Variants in CALHM5 observed in about 807,000 individuals in gnomAD.
CALHM5 encodes calcium homeostasis modulator protein 5.
Under a neutral mutation model 20.9 loss-of-function variants are expected in CALHM5, and 17 were observed. That is an observed-to-expected ratio of 0.82 (90% confidence interval 0.56 to 1.22). The LOEUF is 1.22. Ranked by LOEUF, CALHM5 falls within the 50% of genes most tolerant of loss-of-function variation. CALHM5 has a pLI of 0.00. For synonymous variants in CALHM5, 148 were observed against 140.0 expected, an observed-to-expected ratio of 1.06 and a Z score of -0.40; for missense variants, 360 against 364.6, an observed-to-expected ratio of 0.99 and a Z score of 0.10.
chr6:116,512,089 G>T lies in CALHM5; in HGVS notation c.393G>T (p.Gly131=), dbSNP rs561909396. The change falls in exon 1 of 2, where the codon GGG becomes GGT. Residue 131 remains glycine (G), a synonymous_variant. Transcript: ENST00000368599. ...CTTTCTATGAATGTGCCATGAGCGG[G>T]ACGAGAAGTTCAGGACTCCTGGAAC... is the stretch of plus-strand genomic sequence containing the variant. ...NGTFYECAMS[G]TRSSGLLELI... 44 of 1,614,056 alleles carry T rather than the reference G, an allele frequency of 2.7e-5. No individual in the cohort carries two copies. The South Asian group carries it at 4.5e-4, about 17-fold the overall frequency.
chr6:116,512,032 G>A lies in CALHM5; in HGVS notation c.336G>A (p.Val112=). The A allele has an allele frequency of 6.2e-7, 1 of 1,614,070 alleles. No homozygotes were observed. ...CTCTGAGCTCATTGGTGGCTCCAGT[G>A]ATGTGGCTTTCTGTGGCTCTGCTCA... is the stretch of plus-strand genomic sequence containing the variant. The part of the protein sequence containing the change: ...QITLSSLVAP[V]MWLSVALLNG... The change falls in exon 1 of 2, where the codon GTG becomes GTA. Residue 112 remains valine (V), a synonymous_variant. Transcript: ENST00000368599.
In CALHM5 at chr6:116,511,994, C is replaced by G; in HGVS notation, c.298C>G (p.Leu100Val). 6.2e-7 allele frequency: 1 copy of G among 1,614,038 alleles called. No homozygotes were observed. Among genetic ancestry groups the G allele is most frequent in the Non-Finnish European group, 8.5e-7 (1 of 1,180,000 alleles). ...RGHSCRFFYV[L>V]GQITLSSLVA... ...CCACAGCTGCCGTTTCTTCTACGTC[C>G]TCGGCCAGATCACTCTGAGCTCATT... The change falls in exon 1 of 2, where the codon CTC (leucine) becomes GTC (valine). Residue 100 changes from leucine (L) to valine (V), a missense_variant. Transcript: ENST00000368599.
chr6:116,515,569 CGT>C (rs1562340242), intron 1 of CALHM5, 29 bp from the exon 2 acceptor site: 1 of 1,573,776 alleles, frequency 6.4e-7, no homozygotes, highest in Non-Finnish European at 8.6e-7. Flanking sequence ...TTTGCTTTCA[CGT>C]GTGTACTCAA....
At position 116,515,773 on chromosome 6, in the gene CALHM5, C is replaced by T. The variant is rs753580476; in HGVS notation, c.714C>T (p.Ser238=). The change falls in exon 2 of 2, where the codon AGC becomes AGT. Residue 238 remains serine (S), a synonymous_variant. Coordinates refer to ENST00000368599, the MANE Select transcript of CALHM5 (RefSeq NM_153711.5). ...TTCTGGACTATGCCAACAAGCTGAG[C>T]GAGAGGAACCTGAAATGTTTTTTTG... ...NTFLDYANKL[S]ERNLKCFFEN... 36 of 1,613,864 alleles carry T rather than the reference C, an allele frequency of 2.2e-5. No individual in the cohort carries two copies. The highest frequency in any genetic ancestry group is 2.7e-5 in the African/African-American group (2 of 74,898).
Position 116,521,694 on chromosome 6 carries a change from T to TA in CALHM5, c.*5707dup, listed in dbSNP as rs1488333765. On this transcript the variant is annotated 3_prime_UTR_variant, in exon 2 of 2. Coordinates refer to ENST00000368599, the MANE Select transcript of CALHM5 (RefSeq NM_153711.5). ...ACACCCCTACATACATACCCAGAAA[T>TA]AATGCTTTAATAACTATCTGGCTAC... 1 of 152,120 alleles carries TA rather than the reference T, an allele frequency of 6.6e-6. No homozygotes were observed. The highest frequency in any genetic ancestry group is 6.5e-5 in the Admixed American group (1 of 15,274). 9.4% of individuals were successfully genotyped at this position (152,120 alleles called of 1,614,324 possible). A position where few individuals can be genotyped will look rare whatever the true frequency, so the allele number is the denominator to read the frequency against.
At chr6:116,512,381 C>A in intron 1 of CALHM5, 145 bp downstream of exon 1, 1 of 951,534 alleles carries the variant, frequency 1.1e-6, no homozygotes, top group Non-Finnish European at 1.5e-6. Flanking sequence ...TTGAGACTAT[C>A]TCAGGAAAAG....
rs1402767044 is a variant in CALHM5, at chr6:116,517,513, G to C, written c.*1524G>C. 1 of 152,144 alleles carries C rather than the reference G, an allele frequency of 6.6e-6. No homozygotes were observed. The highest frequency in any genetic ancestry group is 1.5e-5 in the Non-Finnish European group (1 of 68,032). 9.4% of individuals were successfully genotyped at this position (152,144 alleles called of 1,614,324 possible). On this transcript the variant is annotated 3_prime_UTR_variant, in exon 2 of 2. Coordinates refer to ENST00000368599, the MANE Select transcript of CALHM5 (RefSeq NM_153711.5). The stretch of plus-strand genomic sequence containing the variant: ...TTACAGTGGTAGTCTATGTCTCTTA[G>C]TTTGAGAAAGCTGAATATTAACTTC...
In CALHM5 at chr6:116,524,269, A is replaced by G. The variant is rs1169175890; in HGVS notation, c.*8280A>G. On this transcript the variant is annotated 3_prime_UTR_variant, in exon 2 of 2. Coordinates refer to ENST00000368599, the MANE Select transcript of CALHM5 (RefSeq NM_153711.5). Reference sequence around the variant, plus strand: ...GTAGGTACACGGAATTCATTACATTATTCTCTTTACATTTGTATATGTTTG... The same window carrying G: ...GTAGGTACACGGAATTCATTACATTGTTCTCTTTACATTTGTATATGTTTG... The G allele has an allele frequency of 6.6e-6, 1 of 152,226 alleles. No homozygotes were observed. Among genetic ancestry groups the G allele is most frequent in the Non-Finnish European group, 1.5e-5 (1 of 68,034 alleles). The allele number at this position is 152,226 out of a possible 1,614,324, so 9.4% of individuals were successfully genotyped here.
intron 1 of CALHM5, among the ~76,000 whole-genome samples, chr6:116,513,866 T>C (rs1221020162): frequency 3.3e-5 from 5 of 152,114 alleles, no homozygotes; most frequent in African/African-American, 1.2e-4. Context: ...TTGTCTGGCG[T>C]TGGGTTTGTA....
chr6:116,512,352 A>T (rs555784959), intron 1 of CALHM5, 116 bp downstream of exon 1: 1 of 1,181,694 alleles, frequency 8.5e-7, no homozygotes. Context: ...CTAAATGGAA[A>T]CTGAAACATG....
Position 116,512,241 on chromosome 6 carries a change from GAAA to G in CALHM5, c.540+7_540+9del. 6.3e-7 allele frequency: 1 copy of G among 1,585,662 alleles called. No homozygotes were observed. The highest frequency in any genetic ancestry group is 8.6e-7 in the Non-Finnish European group (1 of 1,169,316). On this transcript the variant is annotated splice_donor_region_variant and intron_variant, in intron 1 of 1. Transcript: ENST00000368599. ...TCCCTTCAGGCCCAGTCTCAGGTAA[GAAA>G]AGACAAACTCGCCTTTTTCTCTCAG...
At chr6:116,512,429 TG>T in intron 1 of CALHM5, 193 bp downstream of exon 1, 1 of 592,594 alleles carries the variant, frequency 1.7e-6, no homozygotes, top group East Asian at 2.8e-5. Context: ...AGTTGCTGAC[TG>T]GATTATCTCT....
Position 116,519,556 on chromosome 6 carries a change from C to T in CALHM5, c.*3567C>T, listed in dbSNP as rs1772292701. The T allele has an allele frequency of 6.6e-6, 1 of 152,222 alleles. No individual in the cohort carries two copies. The highest frequency in any genetic ancestry group is 2.1e-4 in the South Asian group (1 of 4,828). 9.4% of individuals were successfully genotyped at this position (152,222 alleles called of 1,614,324 possible). The stretch of plus-strand genomic sequence containing the variant: ...ATGGTCATACTAATGTTTGCCATAA[C>T]AGTCTCTTCTAGGTCTAGACTTGAA... On this transcript the variant is annotated 3_prime_UTR_variant, in exon 2 of 2. Coordinates refer to ENST00000368599, the MANE Select transcript of CALHM5 (RefSeq NM_153711.5).
chr6:116,524,106 A>G lies in CALHM5; in HGVS notation c.*8117A>G, dbSNP rs1390695838. ...TTTTTAAAAAGTTCTTCAGTTAGAGATGTATATTTAAATATTTATGTGTGA... is the reference window on the plus strand; with the variant it reads ...TTTTTAAAAAGTTCTTCAGTTAGAGGTGTATATTTAAATATTTATGTGTGA... On this transcript the variant is annotated 3_prime_UTR_variant, in exon 2 of 2. Coordinates refer to ENST00000368599, the MANE Select transcript of CALHM5 (RefSeq NM_153711.5). 46 of 152,146 alleles carry G rather than the reference A, an allele frequency of 3.0e-4. No homozygotes were observed. The highest frequency in any genetic ancestry group is 3.0e-3 in the Admixed American group (46 of 15,270). The allele number at this position is 152,146 out of a possible 1,614,324, so 9.4% of individuals were successfully genotyped here.
At chr6:116,515,355 G>A (rs754439251) in intron 1 of CALHM5, among the ~76,000 whole-genome samples, 12 of 152,192 alleles carry the variant, frequency 7.9e-5, no homozygotes, top group Admixed American at 2.0e-4. Context: ...CTGCCTTCTG[G>A]TTATTTCTTT....
rs1357067523 is a variant in CALHM5 at position 116,522,890 on chromosome 6, GC to G, written c.*6902del. 6.6e-6 allele frequency: 1 copy of G among 151,970 alleles called. No homozygotes were observed. Among genetic ancestry groups the G allele is most frequent in the Non-Finnish European group, 1.5e-5 (1 of 68,012 alleles). The allele number at this position is 151,970 out of a possible 1,614,324, so 9.4% of individuals were successfully genotyped here. ...AAGCCTGCAGTTTAACGTGATCCTA[GC>G]TGATTCCAGTTCAAGCTAAATTTGA... On this transcript the variant is annotated 3_prime_UTR_variant, in exon 2 of 2. Coordinates refer to ENST00000368599, the MANE Select transcript of CALHM5 (RefSeq NM_153711.5).
At chr6:116,515,487 T>G in intron 1 of CALHM5, 113 bp from the exon 2 acceptor site, 2 of 1,086,548 alleles carry the variant, frequency 1.8e-6, no homozygotes, top group Non-Finnish European at 2.6e-6. Context: ...TGATTTCAAA[T>G]GAGGTATGTC....
At chr6:116,512,435 A>C (rs1231832429) in intron 1 of CALHM5, 199 bp downstream of exon 1, 5 of 577,442 alleles carry the variant, frequency 8.7e-6, no homozygotes, top group African/African-American at 7.4e-5. Context: ...TGACTGGATT[A>C]TCTCTTTTCC....
Position 116,524,712 on chromosome 6 carries a change from T to C in CALHM5, c.*8723T>C, listed in dbSNP as rs1322830490. 1 of 152,196 alleles carries C rather than the reference T, an allele frequency of 6.6e-6. No individual in the cohort carries two copies. The highest frequency in any genetic ancestry group is 1.5e-5 in the Non-Finnish European group (1 of 68,024). 9.4% of individuals were successfully genotyped at this position (152,196 alleles called of 1,614,324 possible). A position where few individuals can be genotyped will look rare whatever the true frequency, so the allele number is the denominator to read the frequency against. ...CAGGTAGGTCTTTTTGGAACGATTT[T>C]TCCTGCTACAAGTTTACTCTTTCAT... On this transcript the variant is annotated 3_prime_UTR_variant, in exon 2 of 2. Coordinates refer to ENST00000368599, the MANE Select transcript of CALHM5 (RefSeq NM_153711.5).
Sources: allele counts gnomAD v4.1 joint callset (sites outside exome capture counted in the v4.1 genomes callset), GRCh38; gene constraint gnomAD v4.1.1; transcripts MANE v1.5; gene names NCBI Gene and HGNC (gene_info 2026-07-23, HGNC 2026-07-21).